ABHD1: variants seen among roughly 807,000 people sequenced by gnomAD.
ABHD1 encodes the protein protein ABHD1.
Under a neutral mutation model 41.4 loss-of-function variants are expected in ABHD1, and 47 were observed. The ratio of observed to expected loss-of-function variants is 1.13; its 90% CI spans 0.90 to 1.45. ABHD1 has a LOEUF of 1.45. Ranked by LOEUF, ABHD1 falls within the 40% of genes most tolerant of loss-of-function variation. The pLI is 0.00. For synonymous variants in ABHD1, 205 were observed against 203.7 expected (o/e 1.01, Z -0.05); for missense variants, 550 against 503.4 (o/e 1.09, Z -0.89).
Position 27,129,746 on chromosome 2 carries a change from T to C in ABHD1, c.618-8T>C, listed in dbSNP as rs192877845. Reference sequence around the variant, plus strand: ...CCTTCTTTCATGGTCCCTTGTCCAATTCCACAGGATACTGGTGCTGAATCA... The same window carrying C: ...CCTTCTTTCATGGTCCCTTGTCCAACTCCACAGGATACTGGTGCTGAATCA... On this transcript the variant is annotated splice_region_variant and splice_polypyrimidine_tract_variant and intron_variant, in intron 5 of 8. Transcript: ENST00000316470. The C allele has an allele frequency of 5.9e-5, 96 of 1,613,896 alleles. 1 individual carries two copies. The East Asian group carries it at 1.7e-3, about 29-fold the overall frequency.
At chr2:27,126,310 T>C (rs1265650310) in intron 1 of ABHD1, 2 of 152,224 alleles carry the variant, frequency 1.3e-5, no homozygotes, top group Admixed American at 6.5e-5. Context: ...TCTTCACTTA[T>C]AAAATATCTC....
In ABHD1 at chr2:27,124,186, A is replaced by C. The variant is rs1242899126; in HGVS notation, c.114+124A>C. 4 of 872,546 alleles carry C rather than the reference A, an allele frequency of 4.6e-6. No homozygotes were observed. In the Admixed American group the frequency reaches 6.0e-5, roughly 13 times the overall value. 54.1% of individuals were successfully genotyped at this position (872,546 alleles called of 1,614,324 possible). On this transcript the variant is annotated intron_variant, in intron 1 of 8. Transcript: ENST00000316470. ...TTCCCCACAGGTGAAATTTGCTACC[A>C]CCGAATGGAGAGTCGGCTCTGCCTC...
rs1329636327 is a variant in ABHD1 at position 27,123,887 on chromosome 2, G to A, written c.-62G>A. ...TATGGCGGGCGGCGGGTGGGACCGC[G>A]AGTTACAGCCGGCCAACTGGGGCCA... On this transcript the variant is annotated 5_prime_UTR_variant, in exon 1 of 9. Coordinates refer to ENST00000316470, the MANE Select transcript of ABHD1 (RefSeq NM_032604.4). 3.5e-6 allele frequency: 5 copies of A among 1,423,358 alleles called. No individual in the cohort carries two copies. Among genetic ancestry groups the A allele is most frequent in the African/African-American group, 1.4e-5 (1 of 71,112 alleles). The allele number at this position is 1,423,358 out of a possible 1,614,324, so 88.2% of individuals were successfully genotyped here. A position where few individuals can be genotyped will look rare whatever the true frequency, so the allele number is the denominator to read the frequency against.
At chr2:27,127,845 C>G (rs1010619224) in intron 1 of ABHD1, among the ~76,000 whole-genome samples, 1 of 152,166 alleles carries the variant, frequency 6.6e-6, no homozygotes, top group African/African-American at 2.4e-5. Context: ...CAGGCATGAG[C>G]GACTGCGCCC....
intron 1 of ABHD1, chr2:27,124,405 G>A: frequency 2.6e-6 from 1 of 378,444 alleles, no homozygotes; most frequent in South Asian, 2.0e-5. Flanking sequence ...ACTGAAGGAA[G>A]GAACCAGAGG....
Position 27,129,589 on chromosome 2 carries a change from C to G in ABHD1, c.580C>G (p.Gln194Glu). Residue 194 changes from glutamine to glutamate, a missense_variant, in exon 5 of 9, where the codon CAA becomes GAA. By Grantham distance (29) the Gln-to-Glu change is conservative. Transcript: ENST00000316470. ...VVNHIKHRYPQAPLLAVGISF... is the reference protein window; with the variant it reads ...VVNHIKHRYPEAPLLAVGISF... ...GAACCACATAAAGCATCGTTATCCC[C>G]AAGCTCCACTGCTGGCCGTGGGCAT... 1 of 1,613,858 alleles carries G rather than the reference C, an allele frequency of 6.2e-7. No homozygotes were observed. The highest frequency in any genetic ancestry group is 8.5e-7 in the Non-Finnish European group (1 of 1,180,050).
At chr2:27,129,241 AG>A in intron 3 of ABHD1, 74 bp from the exon 4 acceptor site, 1 of 1,603,398 alleles carries the variant, frequency 6.2e-7, no homozygotes, top group African/African-American at 1.3e-5. Flanking sequence ...GTCTTTGGAC[AG>A]GGGTCTTTCT....
chr2:27,130,364 G>GATC lies in ABHD1; in HGVS notation c.955_957dup (p.Ile319dup). ...CTAGAACCAAGATAGATGCCATCCG[G>GATC]ATCCCTGTGCTCTATCTCAGTGCAG... On this transcript the variant is annotated inframe_insertion, in exon 8 of 9. Coordinates refer to ENST00000316470, the MANE Select transcript of ABHD1 (RefSeq NM_032604.4). 1 of 1,614,150 alleles carries GATC rather than the reference G, an allele frequency of 6.2e-7. No individual in the cohort carries two copies. Among genetic ancestry groups the GATC allele is most frequent in the Non-Finnish European group, 8.5e-7 (1 of 1,180,040 alleles).
In ABHD1 at chr2:27,129,743, C is replaced by T; in HGVS notation, c.618-11C>T. On this transcript the variant is annotated splice_polypyrimidine_tract_variant and intron_variant, in intron 5 of 8. Coordinates refer to ENST00000316470, the MANE Select transcript of ABHD1 (RefSeq NM_032604.4). Reference sequence around the variant, plus strand: ...AACCCTTCTTTCATGGTCCCTTGTCCAATTCCACAGGATACTGGTGCTGAA... The same window carrying T: ...AACCCTTCTTTCATGGTCCCTTGTCTAATTCCACAGGATACTGGTGCTGAA... The T allele has an allele frequency of 6.2e-7, 1 of 1,613,748 alleles. No homozygotes were observed. The highest frequency in any genetic ancestry group is 8.5e-7 in the Non-Finnish European group (1 of 1,179,978).
At chr2:27,128,917 C>CT in intron 2 of ABHD1, 28 bp from the exon 3 acceptor site, 1 of 1,606,550 alleles carries the variant, frequency 6.2e-7, no homozygotes, top group South Asian at 1.1e-5. Context: ...TTAATAGTAT[C>CT]TTTGTGTGCC....
rs576829160 is a variant in ABHD1 at position 27,129,678 on chromosome 2, C to T, written c.617+52C>T. The T allele has an allele frequency of 1.5e-5, 24 of 1,609,258 alleles. No individual in the cohort carries two copies. In the African/African-American group the frequency reaches 1.9e-4, roughly 13 times the overall value. ...AGGCCCAGTCTTCCTTTTTTTCCTC[C>T]TCCATGTCCCCTTCCTCTGTCCCAA... On this transcript the variant is annotated intron_variant, in intron 5 of 8. Transcript: ENST00000316470.
chr2:27,124,793 T>C (rs767354506), intron 1 of ABHD1: 1 of 157,382 alleles, frequency 6.4e-6, no homozygotes, highest in Non-Finnish European at 1.4e-5. Flanking sequence ...TAGTGTTACC[T>C]AGACTTTTCC....
rs573617544 is a variant in ABHD1 at position 27,130,773 on chromosome 2, C to G, written c.*29C>G. On this transcript the variant is annotated 3_prime_UTR_variant, in exon 9 of 9. Transcript: ENST00000316470. Reference sequence around the variant, plus strand: ...GAGTACCATTTGGGGTCTCAGTTCACTCTTTCCTTGTTTATTAAATATCAA... The same window carrying G: ...GAGTACCATTTGGGGTCTCAGTTCAGTCTTTCCTTGTTTATTAAATATCAA... 1 of 1,601,632 alleles carries G rather than the reference C, an allele frequency of 6.2e-7. No homozygotes were observed. Among genetic ancestry groups the G allele is most frequent in the African/African-American group, 1.3e-5 (1 of 74,742 alleles).
chr2:27,124,959 GAAGAA>G (rs1671899015), intron 1 of ABHD1: 1 of 152,200 alleles, frequency 6.6e-6, no homozygotes, highest in Admixed American at 6.6e-5. Flanking sequence ...TGACCAACAT[GAAGAA>G]ACCCCATCTC....
chr2:27,129,806 G>A lies in ABHD1; in HGVS notation c.670G>A (p.Ala224Thr). 1.2e-6 allele frequency: 2 copies of A among 1,614,232 alleles called. No individual in the cohort carries two copies. The highest frequency in any genetic ancestry group is 1.7e-6 in the Non-Finnish European group (2 of 1,180,050). Residue 224 changes from alanine to threonine, a missense_variant, in exon 6 of 9, where the codon GCA becomes ACA. Transcript: ENST00000316470. ...AQARQAAGLVAALTLSACWDS... is the reference protein window; with the variant it reads ...AQARQAAGLVTALTLSACWDS... ...GGCCAGGCAGGCTGCAGGGCTGGTGGCAGCACTGACTCTGTCTGCATGCTG... is the reference window on the plus strand; with the variant it reads ...GGCCAGGCAGGCTGCAGGGCTGGTGACAGCACTGACTCTGTCTGCATGCTG...
Position 27,124,032 on chromosome 2 carries a change from C to T in ABHD1, c.84C>T (p.Tyr28=). ...TCTTGGCTCTTGCCGTTGCCCTCTA[C>T]TTGGGCTACTACTGGGCATGTGTGC... ...SLLLALAVAL[Y]LGYYWACVLQ... The change falls in exon 1 of 9, where the codon TAC becomes TAT. Residue 28 remains tyrosine, a synonymous_variant. Coordinates refer to ENST00000316470, the MANE Select transcript of ABHD1 (RefSeq NM_032604.4). 6.2e-7 allele frequency: 1 copy of T among 1,614,196 alleles called. No individual in the cohort carries two copies. Among genetic ancestry groups the T allele is most frequent in the East Asian group, 2.2e-5 (1 of 44,870 alleles).
chr2:27,129,512 A>C lies in ABHD1; in HGVS notation c.505-2A>C, dbSNP rs761239372. On this transcript the variant is annotated splice_acceptor_variant, in intron 4 of 8. Transcript: ENST00000316470. LOFTEE classifies it high-confidence loss of function. ...CTACCCAATGATCTGGTTTGCCCTC[A>C]GACCCACAGGGCTTTTTGTGCCAGC... is the stretch of plus-strand genomic sequence containing the variant. 6 of 1,614,034 alleles carry C rather than the reference A, an allele frequency of 3.7e-6. No homozygotes were observed. The highest frequency in any genetic ancestry group is 5.1e-6 in the Non-Finnish European group (6 of 1,180,008).
At chr2:27,128,879 G>A (rs1362776213) in intron 2 of ABHD1, 66 bp from the exon 3 acceptor site, 2 of 1,545,908 alleles carry the variant, frequency 1.3e-6, no homozygotes, top group South Asian at 1.2e-5. Flanking sequence ...TGGGGCAGGG[G>A]GCAAAGCTTT....
In ABHD1 at chr2:27,124,031, A is replaced by G. The variant is rs1461286378; in HGVS notation, c.83A>G (p.Tyr28Cys). 3.7e-6 allele frequency: 6 copies of G among 1,614,116 alleles called. No homozygotes were observed. Among genetic ancestry groups the G allele is most frequent in the Non-Finnish European group, 5.1e-6 (6 of 1,179,988 alleles). ...CTCTTGGCTCTTGCCGTTGCCCTCT[A>G]CTTGGGCTACTACTGGGCATGTGTG... is the stretch of plus-strand genomic sequence containing the variant. ...SLLLALAVAL[Y>C]LGYYWACVLQ... Residue 28 changes from tyrosine to cysteine, a missense_variant, in exon 1 of 9, where the codon TAC becomes TGC. Tyr to Cys is a radical substitution (Grantham distance 194). Transcript: ENST00000316470.
Sources: allele counts gnomAD v4.1 joint callset (sites outside exome capture counted in the v4.1 genomes callset), GRCh38; gene constraint gnomAD v4.1.1; transcripts MANE v1.5; gene names NCBI Gene and HGNC (gene_info 2026-07-23, HGNC 2026-07-21).